Variants in COL10A1 observed in about 807,000 individuals in gnomAD.
COL10A1 encodes collagen alpha-1(X) chain.
COL10A1 carries 10 observed loss-of-function variants against 18.2 expected under a neutral mutation model. The ratio of observed to expected loss-of-function variants is 0.55; its 90% CI spans 0.34 to 0.93. COL10A1 has a LOEUF of 0.93. Among genes scored for constraint, COL10A1 ranks in the 40% least tolerant of loss-of-function variants. The probability of loss-of-function intolerance (pLI) is 0.02; values close to 1 mark genes in which losing one functional copy is unlikely to be tolerated. For synonymous variants in COL10A1, 330 were observed against 316.6 expected (o/e 1.04, Z -0.45); for missense variants, 897 against 853.5 (o/e 1.05, Z -0.64).
the COL10A1 span, among the ~76,000 whole-genome samples, chr6:116,186,993 T>C: frequency 2.7e-4 from 41 of 152,180 alleles, 1 homozygote; most frequent in South Asian, 6.6e-3. Flanking sequence ...TTGGGTAAAC[T>C]ATGTCAGATG....
chr6:116,196,751 G>C, the COL10A1 span, among the ~76,000 whole-genome samples: 3 of 151,850 alleles, frequency 2.0e-5, no homozygotes, highest in African/African-American at 7.3e-5. Context: ...GCGGTGTTGG[G>C]AATGCTGGCT....
chr6:116,193,325 A>G, the COL10A1 span, among the ~76,000 whole-genome samples: 3 of 152,102 alleles, frequency 2.0e-5, no homozygotes, highest in South Asian at 6.2e-4. Flanking sequence ...TAAATAAAAA[A>G]TTAGGATGTT....
upstream of COL10A1, among the ~76,000 whole-genome samples, chr6:116,126,828 A>T (rs190840685): frequency 1.2e-4 from 19 of 152,052 alleles, no homozygotes; most frequent in Non-Finnish European, 4.4e-5. Context: ...GGAGAAAAAA[A>T]TTTTCAAACT....
At chr6:116,190,339 G>T in the COL10A1 span, among the ~76,000 whole-genome samples, 2 of 151,848 alleles carry the variant, frequency 1.3e-5, no homozygotes, top group Admixed American at 1.3e-4. Context: ...ATGATAAAAG[G>T]AAGCAATTTT....
At chr6:116,178,715 C>T in the COL10A1 span, among the ~76,000 whole-genome samples, 1 of 152,142 alleles carries the variant, frequency 6.6e-6, no homozygotes, top group Non-Finnish European at 1.5e-5. Context: ...AGAGCAGTTT[C>T]CCTATAATAA....
chr6:116,143,932 A>G (rs1779827685), intron 1 of COL10A1, among the ~76,000 whole-genome samples: 1 of 152,216 alleles, frequency 6.6e-6, no homozygotes. Flanking sequence ...GTAATGCTTT[A>G]TAATAAAGAA....
In COL10A1 at chr6:116,121,563, T is replaced by G; in HGVS notation, c.553A>C (p.Asn185His). ...TATCCCATTTCCCCTTTCTGTCCAT[T>G]CATACCAGGGACTCCTGGTGCACCC... ...EKGAPGVPGM[N>H]GQKGEMGYGA... Residue 185 changes from asparagine to histidine, a missense_variant, in exon 3 of 3, where the codon AAT becomes CAT. Physicochemically the swap from Asn to His is moderately conservative, Grantham distance 68 (BLOSUM62 1). Coordinates refer to ENST00000651968, the MANE Select transcript of COL10A1 (RefSeq NM_000493.4). 1 of 1,613,916 alleles carries G rather than the reference T, an allele frequency of 6.2e-7. No individual in the cohort carries two copies. The highest frequency in any genetic ancestry group is 8.5e-7 in the Non-Finnish European group (1 of 1,179,952).
chr6:116,174,848 A>C, the COL10A1 span, among the ~76,000 whole-genome samples: 1 of 152,150 alleles, frequency 6.6e-6, no homozygotes, highest in Non-Finnish European at 1.5e-5. Context: ...GATTATTAAT[A>C]GTTCCCTACA....
chr6:116,183,013 A>G, the COL10A1 span, among the ~76,000 whole-genome samples: 1 of 152,100 alleles, frequency 6.6e-6, no homozygotes, highest in Non-Finnish European at 1.5e-5. Context: ...TTTGGGTCTT[A>G]GATTTAAGTT....
the COL10A1 span, among the ~76,000 whole-genome samples, chr6:116,194,851 T>G: frequency 1.3e-5 from 2 of 152,028 alleles, no homozygotes; most frequent in Admixed American, 6.6e-5. Context: ...CTCTACATAC[T>G]GTTGTAATAT....
chr6:116,150,062 A>C (rs1441107724), intron 1 of COL10A1, among the ~76,000 whole-genome samples: 2 of 152,182 alleles, frequency 1.3e-5, no homozygotes, highest in Non-Finnish European at 2.9e-5. Flanking sequence ...GTTGAAGTTT[A>C]GAGAATAGGA....
At chr6:116,124,464 A>C (rs1476780081) in intron 2 of COL10A1, among the ~76,000 whole-genome samples, 1 of 152,192 alleles carries the variant, frequency 6.6e-6, no homozygotes, top group Non-Finnish European at 1.5e-5. Flanking sequence ...TAATCTTCAA[A>C]GAGTAACCAA....
chr6:116,216,463 G>A, the COL10A1 span, among the ~76,000 whole-genome samples: 1 of 151,512 alleles, frequency 6.6e-6, no homozygotes, highest in African/African-American at 2.4e-5. Context: ...GTAGGGCCGG[G>A]ATATGCAAAT....
At chr6:116,209,541 A>G in the COL10A1 span, among the ~76,000 whole-genome samples, 1 of 152,054 alleles carries the variant, frequency 6.6e-6, no homozygotes, top group Non-Finnish European at 1.5e-5. Context: ...GATGAATGCC[A>G]TCATTGATGT....
chr6:116,126,344 TA>T (rs1474752286), upstream of COL10A1, among the ~76,000 whole-genome samples: 1 of 152,170 alleles, frequency 6.6e-6, no homozygotes, highest in Non-Finnish European at 1.5e-5. Context: ...TTAATAGTTT[TA>T]ACCAAGGACC....
chr6:116,134,296 T>C (rs1779536251), intron 1 of COL10A1, among the ~76,000 whole-genome samples: 2 of 152,050 alleles, frequency 1.3e-5, no homozygotes, highest in Non-Finnish European at 2.9e-5. Flanking sequence ...TACTTCCTGC[T>C]GTAGACTCAT....
chr6:116,147,972 G>A lies in COL10A1; in HGVS notation c.-16+10642C>T, dbSNP rs993557453. ...CTGCACTCCAGCCTGGCGACAGAGC[G>A]AGACTCTGTCTCAAAAAAAAAAAAG... is the stretch of plus-strand genomic sequence containing the variant. On this transcript the variant is annotated intron_variant, in intron 1 of 1. Transcript: ENST00000418500. Among the ~76,000 whole-genome samples the A allele has an allele frequency of 2.7e-5, 4 of 150,812 alleles. No homozygotes were observed. In the East Asian group the frequency reaches 5.8e-4, roughly 22 times the overall value.
the COL10A1 span, among the ~76,000 whole-genome samples, chr6:116,167,080 G>A: frequency 2.6e-5 from 4 of 152,030 alleles, no homozygotes; most frequent in South Asian, 2.1e-4. Context: ...ACTATTCAGA[G>A]CATGTGATAT....
chr6:116,125,037 T>C (rs960736709), intron 2 of COL10A1, among the ~76,000 whole-genome samples: 2 of 152,254 alleles, frequency 1.3e-5, no homozygotes, highest in Non-Finnish European at 2.9e-5. Flanking sequence ...AGATCAAGAT[T>C]TCTGGATTAC....
Sources: gnomAD v4.1 joint callset for allele counts (sites outside exome capture counted in the v4.1 genomes callset) on GRCh38, gnomAD v4.1.1 for gene constraint, MANE v1.5 for transcripts, NCBI Gene and HGNC (gene_info 2026-07-23, HGNC 2026-07-21) for gene names.